MCM3AP: variants seen among roughly 807,000 people sequenced by gnomAD.
MCM3AP encodes germinal-center associated nuclear protein.
MCM3AP carries 126 observed loss-of-function variants against 184.1 expected under a neutral mutation model. The observed-to-expected ratio is 0.68, with a 90% CI of 0.59 to 0.79. MCM3AP has a LOEUF of 0.79. MCM3AP is among the 30% of genes least tolerant of loss of function. The pLI is 0.00. For synonymous variants in MCM3AP, 1,002 were observed against 979.3 expected (o/e 1.02, Z -0.43); for missense variants, 2,496 against 2,479.2 (o/e 1.01, Z -0.14).
In MCM3AP at chr21:46,245,035, C is replaced by T. The variant is rs1489881565; in HGVS notation, c.4810G>A (p.Glu1604Lys). ...AACAGCTCAATGATGGCGCCAGGCT[C>T]CTGAGAAGCAAGACCGCCCAGACGC... ...ERRLGGLASQ[E>K]PGAIIELFNS... Residue 1604 changes from glutamate to lysine, a missense_variant, in exon 23 of 28, where the codon GAG becomes AAG. Around this residue, in one of 5 missense-constraint regions of MCM3AP, gnomAD observed 1,323 missense variants for 1,273.4 expected, o/e 1.04. Coordinates refer to ENST00000291688, the MANE Select transcript of MCM3AP (RefSeq NM_003906.5). 2 of 1,614,076 alleles carry T rather than the reference C, an allele frequency of 1.2e-6. No homozygotes were observed. Among genetic ancestry groups the T allele is most frequent in the African/African-American group, 1.3e-5 (1 of 74,930 alleles).
intron 18 of MCM3AP, 92 bp from the exon 19 acceptor site, chr21:46,254,618 A>G: frequency 1.3e-6 from 2 of 1,516,862 alleles, no homozygotes; most frequent in Non-Finnish European, 1.8e-6. Context: ...GGCAGGTTGG[A>G]GGAAAATCAG....
chr21:46,280,536 G>A lies in MCM3AP; in HGVS notation c.1483C>T (p.His495Tyr). 6.2e-7 allele frequency: 1 copy of A among 1,612,810 alleles called. No homozygotes were observed. The highest frequency in any genetic ancestry group is 8.5e-7 in the Non-Finnish European group (1 of 1,179,122). ...TGCCAAAAGATAGCCATGTCTTTAT[G>A]CAAACTTTTCCCCTTCTTTCTAGCC... ...ALARKKGKSL[H>Y]KDMAIFWHRK... Residue 495 changes from histidine to tyrosine, a missense_variant, in exon 3 of 28, where the codon CAT becomes TAT. His to Tyr is a moderately conservative substitution (Grantham distance 83, BLOSUM62 2). Around this residue, in one of 5 missense-constraint regions of MCM3AP, gnomAD observed 800 missense variants for 717.1 expected, o/e 1.12. Coordinates refer to ENST00000291688, the MANE Select transcript of MCM3AP (RefSeq NM_003906.5).
chr21:46,281,769 G>C (rs2081335978), intron 2 of MCM3AP, among the ~76,000 whole-genome samples: 1 of 152,218 alleles, frequency 6.6e-6, no homozygotes. Flanking sequence ...GGGAGGCCAA[G>C]GTGCGTGGAA....
In MCM3AP at chr21:46,285,094, T is replaced by A; in HGVS notation, c.193A>T (p.Ser65Cys). The change falls in exon 1 of 28, where the codon AGT becomes TGT. Residue 65 changes from serine to cysteine, a missense_variant. Physicochemically the swap from Ser to Cys is moderately radical, Grantham distance 112. Transcript: ENST00000291688. ...AATGTTTGCACTGAAGAGGAATGAC[T>A]TACTCCAGAAGACGCTGGAAAGCTG... ...VSSFPASSGVSHSSSVQTLGF... is the reference protein window; with the variant it reads ...VSSFPASSGVCHSSSVQTLGF... 1.9e-6 allele frequency: 3 copies of A among 1,614,190 alleles called. No individual in the cohort carries two copies. The highest frequency in any genetic ancestry group is 2.5e-6 in the Non-Finnish European group (3 of 1,180,026).
rs758163667 is a variant in MCM3AP at position 46,244,841 on chromosome 21, G to A, written c.5004C>T (p.Phe1668=). ...GTGGAAGGTCCATCTGCGGAAGCTG[G>A]AACCCGAGCACAGCCTGCTTCAGCC... ...LAWLKQAVLG[F]QLPQMDLPPL... Residue 1668 remains phenylalanine (F), a synonymous_variant, in exon 23 of 28, where the codon TTC becomes TTT. Coordinates refer to ENST00000291688, the MANE Select transcript of MCM3AP (RefSeq NM_003906.5). The A allele has an allele frequency of 1.1e-5, 17 of 1,613,926 alleles. No homozygotes were observed. Among genetic ancestry groups the A allele is most frequent in the Middle Eastern group, 1.6e-4 (1 of 6,080 alleles).
chr21:46,250,690 G>A (rs1364825789), intron 20 of MCM3AP: 1 of 152,346 alleles, frequency 6.6e-6, no homozygotes, highest in South Asian at 2.1e-4. Flanking sequence ...CAAGCTTTCA[G>A]ATGAGGCCAC....
chr21:46,235,492 A>T, intron 27 of MCM3AP, 66 bp from the exon 28 acceptor site: 1 of 1,385,906 alleles, frequency 7.2e-7, no homozygotes. Flanking sequence ...ATCTCTGGGA[A>T]GGTACTAGAT....
rs1346934776 is a variant in MCM3AP, at chr21:46,270,543, G to A, written c.2486C>T (p.Pro829Leu). The change falls in exon 9 of 28, where the codon CCT becomes CTT. Residue 829 changes from proline (P) to leucine (L), a missense_variant. By Grantham distance (98) the Pro-to-Leu change is moderately conservative. Transcript: ENST00000291688. ...DILREVQQFH[P>L]AVRNSSEVKF... is the part of the protein sequence containing the mutation. Reference sequence around the variant, plus strand: ...CACCTCAGATGAGTTTCTAACAGCAGGATGGAACTGTTGTACTTCTCTGTT... The same window carrying A: ...CACCTCAGATGAGTTTCTAACAGCAAGATGGAACTGTTGTACTTCTCTGTT... 3.1e-6 allele frequency: 5 copies of A among 1,611,406 alleles called. No homozygotes were observed. Among genetic ancestry groups the A allele is most frequent in the Middle Eastern group, 1.6e-4 (1 of 6,076 alleles).
At chr21:46,272,993 G>T (rs1032710275) in intron 7 of MCM3AP, among the ~76,000 whole-genome samples, 164 bp from the exon 8 acceptor site, 3 of 149,986 alleles carry the variant, frequency 2.0e-5, no homozygotes, top group Admixed American at 6.6e-5. Flanking sequence ...AAGTCCTGGG[G>T]TTTGTTTTTT....
chr21:46,244,110 A>G (rs1054097389), intron 23 of MCM3AP, among the ~76,000 whole-genome samples: 2 of 152,242 alleles, frequency 1.3e-5, no homozygotes, highest in African/African-American at 4.8e-5. Flanking sequence ...GGGTTCCTTC[A>G]ATAATGAGCA....
intron 27 of MCM3AP, among the ~76,000 whole-genome samples, chr21:46,235,816 A>G (rs2080512939): frequency 6.6e-6 from 1 of 152,136 alleles, no homozygotes; most frequent in Non-Finnish European, 1.5e-5. Flanking sequence ...TATGTACTGT[A>G]GAGATGAGAT....
rs764658468 is a variant in MCM3AP, at chr21:46,284,186, A to T, written c.1101T>A (p.Val367=). ...NKEAKKETGF[V]ESAESDHMAI... ...CCATGTGGTCACTTTCTGCAGACTCAACAAAGCCAGTTTCCTTTTTGGCCT... is the reference window on the plus strand; with the variant it reads ...CCATGTGGTCACTTTCTGCAGACTCTACAAAGCCAGTTTCCTTTTTGGCCT... Residue 367 remains valine, a synonymous_variant, in exon 1 of 28, where the codon GTT becomes GTA. Coordinates refer to ENST00000291688, the MANE Select transcript of MCM3AP (RefSeq NM_003906.5). 5.0e-6 allele frequency: 8 copies of T among 1,614,084 alleles called. No individual in the cohort carries two copies. The highest frequency in any genetic ancestry group is 5.9e-6 in the Non-Finnish European group (7 of 1,180,040).
chr21:46,259,024 C>T lies in MCM3AP; in HGVS notation c.3649G>A (p.Val1217Met), dbSNP rs1279159357. ...ATTTCCTCCACGAGAAACAAGTCCACTAAGTGGGCACAGACATCCTCACAG... is the reference window on the plus strand; with the variant it reads ...ATTTCCTCCACGAGAAACAAGTCCATTAAGTGGGCACAGACATCCTCACAG... ...RCCEDVCAHL[V>M]DLFLVEEIFQ... Residue 1217 changes from valine to methionine, a missense_variant, in exon 16 of 28, where the codon GTG becomes ATG. Around this residue, in one of 5 missense-constraint regions of MCM3AP, gnomAD observed 1,323 missense variants for 1,273.4 expected, o/e 1.04. Transcript: ENST00000291688. 2 of 1,614,146 alleles carry T rather than the reference C, an allele frequency of 1.2e-6. No individual in the cohort carries two copies. The highest frequency in any genetic ancestry group is 2.7e-5 in the African/African-American group (2 of 75,020).
At chr21:46,259,861 C>G (rs551117020) in intron 15 of MCM3AP, among the ~76,000 whole-genome samples, 1 of 148,904 alleles carries the variant, frequency 6.7e-6, no homozygotes, top group African/African-American at 2.5e-5. Flanking sequence ...GCCGAGATGG[C>G]ACCACTGCAC....
chr21:46,261,378 T>C lies in MCM3AP; in HGVS notation c.3369A>G (p.Thr1123=). The change falls in exon 14 of 28, where the codon ACA becomes ACG. Residue 1123 remains threonine (T), a synonymous_variant. Coordinates refer to ENST00000291688, the MANE Select transcript of MCM3AP (RefSeq NM_003906.5). ...GCCTCAAAATGCCCGTGGTTGCAGCTGTTAACAAATCCTCCATAGCAGCAT... is the reference window on the plus strand; with the variant it reads ...GCCTCAAAATGCCCGTGGTTGCAGCCGTTAACAAATCCTCCATAGCAGCAT... The part of the protein sequence containing the change: ...VSNAAMEDLL[T]AATTGILRHI... The C allele has an allele frequency of 6.2e-7, 1 of 1,614,160 alleles. No homozygotes were observed. Among genetic ancestry groups the C allele is most frequent in the South Asian group, 1.1e-5 (1 of 91,086 alleles).
At chr21:46,254,930 C>A (rs2080925978) in intron 17 of MCM3AP, 86 bp from the exon 18 acceptor site, 3 of 920,412 alleles carry the variant, frequency 3.3e-6, no homozygotes, top group Non-Finnish European at 5.4e-6. Context: ...ACTCAGGAGA[C>A]TGAAAAACAC....
At chr21:46,258,607 C>G (rs1338760993) in intron 16 of MCM3AP, among the ~76,000 whole-genome samples, 1 of 152,144 alleles carries the variant, frequency 6.6e-6, no homozygotes, top group African/African-American at 2.4e-5. Flanking sequence ...CAGCCATAAT[C>G]TGGCTTGTTC....
intron 20 of MCM3AP, chr21:46,249,779 T>C: frequency 2.7e-5 from 8 of 294,098 alleles, no homozygotes; most frequent in South Asian, 2.3e-4. Flanking sequence ...ACTCATTTTA[T>C]CCTCAAGAGC....
chr21:46,239,453 A>G (rs1457536401), intron 26 of MCM3AP, among the ~76,000 whole-genome samples: 1 of 152,198 alleles, frequency 6.6e-6, no homozygotes, highest in Non-Finnish European at 1.5e-5. Flanking sequence ...AGCCAATAGG[A>G]TATGTGAATG....
Sources: allele counts gnomAD v4.1 joint callset (sites outside exome capture counted in the v4.1 genomes callset), GRCh38; gene constraint gnomAD v4.1.1; regional missense constraint gnomAD v4.1.1; transcripts MANE v1.5; gene names NCBI Gene and HGNC (gene_info 2026-07-23, HGNC 2026-07-21).